Variants in BRINP3 observed in about 807,000 individuals in gnomAD.
The protein encoded by BRINP3 is BMP/retinoic acid inducible neural specific 3.
In BRINP3, 19 loss-of-function variants were observed where a neutral mutation model predicts 71.0. The observed-to-expected ratio is 0.27, with a 90% confidence interval of 0.19 to 0.39. The LOEUF (loss-of-function observed/expected upper bound fraction) is 0.39. Ranked by LOEUF, BRINP3 falls within the 10% of genes least tolerant of loss-of-function variation. The probability of loss-of-function intolerance (pLI) is 1.00; values close to 1 mark genes in which losing one functional copy is unlikely to be tolerated. For missense variants in BRINP3, 959 were observed against 940.8 expected, an observed-to-expected ratio of 1.02 and a Z score of -0.25; for synonymous variants, 380 against 337.7, an observed-to-expected ratio of 1.13 and a Z score of -1.37.
chr1:190,233,734 C>T (rs1031376043), intron 5 of BRINP3, among the ~76,000 whole-genome samples: 10 of 152,224 alleles, frequency 6.6e-5, no homozygotes, highest in African/African-American at 9.6e-5. Flanking sequence ...TATTCATAAC[C>T]TGTTCCTGCC....
intron 2 of BRINP3, among the ~76,000 whole-genome samples, chr1:190,339,793 T>G (rs1667535361): frequency 6.6e-6 from 1 of 151,972 alleles, no homozygotes; most frequent in African/African-American, 2.4e-5. Context: ...ATATCTTATC[T>G]TCAAAAGTGA....
intron 1 of BRINP3, among the ~76,000 whole-genome samples, chr1:190,475,466 A>T (rs892636283): frequency 2.0e-5 from 3 of 152,172 alleles, no homozygotes; most frequent in Non-Finnish European, 4.4e-5. Flanking sequence ...CACACCAAGC[A>T]CACGTTCGCT....
intron 6 of BRINP3, among the ~76,000 whole-genome samples, chr1:190,172,417 T>C (rs1387373049): frequency 6.6e-6 from 1 of 152,060 alleles, no homozygotes; most frequent in African/African-American, 2.4e-5. Context: ...CTATGTGTTA[T>C]ACTCTCCCAT....
intron 2 of BRINP3, among the ~76,000 whole-genome samples, chr1:190,338,112 C>T (rs1667412233): frequency 1.3e-5 from 2 of 151,990 alleles, no homozygotes; most frequent in Admixed American, 6.6e-5. Context: ...CTAGGAAAAA[C>T]GTTGCAAATC....
intron 2 of BRINP3, among the ~76,000 whole-genome samples, chr1:190,387,351 C>T (rs1450113372): frequency 3.9e-5 from 6 of 151,920 alleles, no homozygotes; most frequent in Admixed American, 3.3e-4. Context: ...ACCAAAGAAA[C>T]TAATATGACA....
At chr1:190,359,235 C>T (rs944393325) in intron 2 of BRINP3, among the ~76,000 whole-genome samples, 1 of 151,790 alleles carries the variant, frequency 6.6e-6, no homozygotes, top group Non-Finnish European at 1.5e-5. Flanking sequence ...TTAACTTGGG[C>T]CAGGAAGAGG....
chr1:190,440,422 C>A (rs1674740698), intron 2 of BRINP3, among the ~76,000 whole-genome samples: 1 of 151,752 alleles, frequency 6.6e-6, no homozygotes, highest in Admixed American at 6.6e-5. Context: ...ACCTGCAGTC[C>A]GTTCTACGGC....
At chr1:190,251,586 T>C (rs1399861241) in intron 4 of BRINP3, among the ~76,000 whole-genome samples, 2 of 151,870 alleles carry the variant, frequency 1.3e-5, no homozygotes, top group Admixed American at 6.6e-5. Context: ...TGTAGAGAAA[T>C]GAGAAATAAG....
intron 2 of BRINP3, among the ~76,000 whole-genome samples, chr1:190,299,850 C>A (rs1042977749): frequency 4.7e-4 from 72 of 152,030 alleles, no homozygotes; most frequent in African/African-American, 1.7e-3. Flanking sequence ...GTTGAAAATT[C>A]TTTTCTTTAA....
chr1:190,251,646 G>A (rs926902724), intron 4 of BRINP3, among the ~76,000 whole-genome samples: 5 of 151,912 alleles, frequency 3.3e-5, no homozygotes, highest in African/African-American at 1.2e-4. Flanking sequence ...TGCAATAAAA[G>A]AAATTGAGGA....
intron 1 of BRINP3, among the ~76,000 whole-genome samples, chr1:190,471,927 GTTATAC>G (rs2102712123): frequency 6.6e-6 from 1 of 151,398 alleles, no homozygotes; most frequent in East Asian, 1.9e-4. Flanking sequence ...TATTGAAACT[GTTATAC>G]TTAATCAATA....
intron 6 of BRINP3, among the ~76,000 whole-genome samples, chr1:190,180,024 T>C (rs78327421): frequency 0.018 from 2,711 of 152,238 alleles, 105 homozygotes; most frequent in African/African-American, 0.063. Context: ...GCCCTCCTTT[T>C]CCCTAATCTT....
chr1:190,163,112 T>C (rs930532408), intron 6 of BRINP3, among the ~76,000 whole-genome samples: 1 of 152,122 alleles, frequency 6.6e-6, no homozygotes, highest in African/African-American at 2.4e-5. Context: ...TGTTGGCAAT[T>C]AGTAAAATTT....
In BRINP3 at chr1:190,098,763, A is replaced by T. The variant is rs1320102360; in HGVS notation, c.1556T>A (p.Met519Lys). 8 of 1,614,098 alleles carry T rather than the reference A, an allele frequency of 5.0e-6. No homozygotes were observed. Residue 519 changes from methionine (M) to lysine (K), a missense_variant, in exon 8 of 8, where the codon ATG (methionine) becomes AAG (lysine). Coordinates refer to ENST00000367462, the MANE Select transcript of BRINP3 (RefSeq NM_199051.3). ...EVHAIFISND[M>K]RLNSWFDPSW... Reference sequence around the variant, plus strand: ...GGGATCAAACCAGCTATTGAGGCGCATGTCATTGCTGATAAAAATGGCATG... The same window carrying T: ...GGGATCAAACCAGCTATTGAGGCGCTTGTCATTGCTGATAAAAATGGCATG...
At chr1:190,407,325 TG>T (rs879666302) in intron 2 of BRINP3, among the ~76,000 whole-genome samples, 1 of 152,162 alleles carries the variant, frequency 6.6e-6, no homozygotes. Flanking sequence ...CATATAAGTC[TG>T]GGGGGAGCAG....
chr1:190,158,720 C>T (rs1473575618), intron 7 of BRINP3, among the ~76,000 whole-genome samples: 3 of 150,680 alleles, frequency 2.0e-5, no homozygotes, highest in Admixed American at 6.6e-5. Flanking sequence ...TGACATTAAA[C>T]ACACAGCAAA....
At chr1:190,135,809 T>C (rs1654924136) in intron 7 of BRINP3, among the ~76,000 whole-genome samples, 1 of 152,058 alleles carries the variant, frequency 6.6e-6, no homozygotes, top group Non-Finnish European at 1.5e-5. Flanking sequence ...GCCTACAACA[T>C]ACGTAAAAAG....
chr1:190,120,209 T>A (rs2102314009), intron 7 of BRINP3, among the ~76,000 whole-genome samples: 1 of 152,322 alleles, frequency 6.6e-6, no homozygotes, highest in Non-Finnish European at 1.5e-5. Flanking sequence ...CCCAGGTTTT[T>A]CTTATTCCCC....
At chr1:190,421,886 T>C (rs1673410353) in intron 2 of BRINP3, among the ~76,000 whole-genome samples, 1 of 151,840 alleles carries the variant, frequency 6.6e-6, no homozygotes, top group South Asian at 2.1e-4. Context: ...ATATTTATTT[T>C]GTGGACATTC....
Sources: gnomAD v4.1 joint callset for allele counts (sites outside exome capture counted in the v4.1 genomes callset) on GRCh38, gnomAD v4.1.1 for gene constraint, MANE v1.5 for transcripts, NCBI Gene and HGNC (gene_info 2026-07-23, HGNC 2026-07-21) for gene names.